DCP1B: variants seen among roughly 807,000 people sequenced by gnomAD.
The protein encoded by DCP1B is mRNA-decapping enzyme 1B.
In DCP1B, 47 loss-of-function variants were observed where a neutral mutation model predicts 60.5. The observed-to-expected ratio is 0.78, with a 90% CI of 0.61 to 0.99. The LOEUF (loss-of-function observed/expected upper bound fraction) is 0.99, where lower values mean the gene tolerates loss of function less well. DCP1B is among the 50% of genes least tolerant of loss of function. The pLI, the probability that DCP1B is intolerant of heterozygous loss-of-function variation, is 0.00. For synonymous variants in DCP1B, 267 were observed against 280.3 expected (o/e 0.95, Z 0.47); for missense variants, 725 against 756.8 (o/e 0.96, Z 0.49).
intron 6 of DCP1B, 31 bp downstream of exon 6, chr12:1,955,401 C>A: frequency 6.3e-7 from 1 of 1,598,232 alleles, no homozygotes; most frequent in Non-Finnish European, 8.5e-7. Context: ...TCTAGAGACA[C>A]ACTGAATATG....
chr12:1,964,803 T>C (rs2031238219), intron 5 of DCP1B, among the ~76,000 whole-genome samples: 2 of 152,360 alleles, frequency 1.3e-5, no homozygotes, highest in Admixed American at 1.3e-4. Flanking sequence ...TAGGTATCAA[T>C]ACCATCAACA....
At chr12:1,952,135 T>C (rs771714394) in intron 7 of DCP1B, among the ~76,000 whole-genome samples, 2 of 152,244 alleles carry the variant, frequency 1.3e-5, no homozygotes, top group Non-Finnish European at 2.9e-5. Context: ...AAGTGGACTC[T>C]ACATTTCACT....
At chr12:1,942,445 C>T (rs2030303139), downstream of DCP1B, among the ~76,000 whole-genome samples, 1 of 152,178 alleles carries the variant, frequency 6.6e-6, no homozygotes, top group Non-Finnish European at 1.5e-5. Context: ...ATGAACCTAA[C>T]AGACATCTAC....
chr12:1,955,369 TG>T, intron 6 of DCP1B, 62 bp downstream of exon 6: 1 of 1,545,660 alleles, frequency 6.5e-7, no homozygotes, highest in African/African-American at 1.4e-5. Context: ...GACTATATTC[TG>T]GGTCAAAGTT....
At chr12:1,950,513 G>A in intron 7 of DCP1B, 1 of 670,226 alleles carries the variant, frequency 1.5e-6, no homozygotes, top group Non-Finnish European at 2.7e-6. Flanking sequence ...ATGAGGGGGA[G>A]TGGGAGTTAT....
intron 6 of DCP1B, 56 bp downstream of exon 6, chr12:1,955,376 A>G: frequency 6.4e-7 from 1 of 1,560,904 alleles, no homozygotes; most frequent in Non-Finnish European, 8.7e-7. Flanking sequence ...TTCTGGGTCA[A>G]AGTTCTTTAA....
chr12:1,979,265 C>T (rs1231235393), intron 3 of DCP1B, among the ~76,000 whole-genome samples: 1 of 151,938 alleles, frequency 6.6e-6, no homozygotes, highest in Admixed American at 6.6e-5. Flanking sequence ...CCGCCTGCTT[C>T]GGCCTCCCAA....
chr12:1,987,009 T>C (rs1303338375), intron 3 of DCP1B, among the ~76,000 whole-genome samples: 3 of 152,014 alleles, frequency 2.0e-5, no homozygotes, highest in Non-Finnish European at 4.4e-5. Context: ...GAAGTGGGGA[T>C]AGAACGAAGG....
intron 3 of DCP1B, among the ~76,000 whole-genome samples, chr12:1,983,326 G>A (rs1292257697): frequency 1.3e-5 from 2 of 151,436 alleles, no homozygotes; most frequent in Middle Eastern, 3.2e-3. Context: ...TTAAGTGAAC[G>A]TTTGAATTAC....
At chr12:1,942,689 C>G (rs1282081399), downstream of DCP1B, among the ~76,000 whole-genome samples, 2 of 152,186 alleles carry the variant, frequency 1.3e-5, no homozygotes, top group African/African-American at 2.4e-5. Context: ...TCCTGAATGA[C>G]TACTGGGTAA....
chr12:1,950,296 G>A, intron 7 of DCP1B: 1 of 702,300 alleles, frequency 1.4e-6, no homozygotes. Context: ...GATGCTCCCG[G>A]AGGTGGAGTC....
At chr12:1,963,758 A>G (rs762342775) in intron 5 of DCP1B, among the ~76,000 whole-genome samples, 9 of 152,180 alleles carry the variant, frequency 5.9e-5, no homozygotes, top group Non-Finnish European at 1.5e-5. Context: ...GAAGGAAGTA[A>G]TATTTCGAAA....
In DCP1B at chr12:1,962,946, A is replaced by T. The variant is rs2031174841; in HGVS notation, c.522+2612T>A. 6.6e-6 allele frequency among the ~76,000 whole-genome samples: 1 copy of T among 152,222 alleles called. No individual in the cohort carries two copies. Among genetic ancestry groups the T allele is most frequent in the South Asian group, 2.1e-4 (1 of 4,832 alleles). The stretch of plus-strand genomic sequence containing the variant: ...TCTAACTGCCTATATGTGCCACTTC[A>T]TTCAGGATTTTTCTGATTGCTTCCT... On this transcript the variant is annotated intron_variant, in intron 5 of 8. Transcript: ENST00000280665. The surrounding 1 kb of genome is among the most constrained non-coding windows in gnomAD (Gnocchi z 4.4).
intron 2 of DCP1B, among the ~76,000 whole-genome samples, chr12:1,993,988 A>G (rs1472986316): frequency 6.6e-6 from 1 of 152,230 alleles, no homozygotes; most frequent in Non-Finnish European, 1.5e-5. Flanking sequence ...GTTTTCTTCA[A>G]TGCAAAGCAA....
Position 1,952,642 on chromosome 12 carries a change from G to T in DCP1B, c.1298C>A (p.Thr433Lys). 1 of 1,614,200 alleles carries T rather than the reference G, an allele frequency of 6.2e-7. No individual in the cohort carries two copies. Among genetic ancestry groups the T allele is most frequent in the Non-Finnish European group, 8.5e-7 (1 of 1,180,036 alleles). The change falls in exon 7 of 9, where the codon ACA becomes AAA. Residue 433 changes from threonine (T) to lysine (K), a missense_variant. By Grantham distance (78) the Thr-to-Lys change is moderately conservative. Coordinates refer to ENST00000280665, the MANE Select transcript of DCP1B (RefSeq NM_152640.5). ...GREQSTLPRQ[T>K]LPISGSQTGS... ...AGTCTGACTACCAGAGATGGGGAGT[G>T]TTTGTCTTGGGAGTGTGGACTGTTC...
intron 3 of DCP1B, among the ~76,000 whole-genome samples, chr12:1,976,237 T>C (rs1025502264): frequency 6.6e-6 from 1 of 152,204 alleles, no homozygotes; most frequent in East Asian, 1.9e-4. Flanking sequence ...CCCTTTATCA[T>C]ATATTAACAT....
intron 7 of DCP1B, 64 bp from the exon 8 acceptor site, chr12:1,949,398 A>G: frequency 6.3e-7 from 1 of 1,589,046 alleles, no homozygotes; most frequent in Non-Finnish European, 8.6e-7. Context: ...GATAGCTTGC[A>G]GCGGCAGATA....
intron 3 of DCP1B, among the ~76,000 whole-genome samples, chr12:1,979,094 C>A (rs959022298): frequency 6.6e-5 from 10 of 152,056 alleles, no homozygotes; most frequent in African/African-American, 2.4e-4. Flanking sequence ...ACTGCTGCAA[C>A]CTCCGCCTCC....
intron 5 of DCP1B, 124 bp downstream of exon 5, chr12:1,965,434 T>A: frequency 8.4e-7 from 1 of 1,185,536 alleles, no homozygotes; most frequent in African/African-American, 1.6e-5. Context: ...AAAGATTTTT[T>A]ATTTGTAATA....
Sources: allele counts gnomAD v4.1 joint callset (sites outside exome capture counted in the v4.1 genomes callset), GRCh38; gene constraint gnomAD v4.1.1; non-coding constraint Gnocchi (gnomAD v3.1); transcripts MANE v1.5; gene names NCBI Gene and HGNC (gene_info 2026-07-23, HGNC 2026-07-21).